The following HCFC2 variants were observed in gnomAD, a reference collection of about 807,000 sequenced individuals.
HCFC2 encodes the protein host cell factor C2, also known as host cell factor 2.
A neutral mutation model predicts 89.2 loss-of-function variants in HCFC2; 18 were observed. The ratio of observed to expected loss-of-function variants is 0.20; its 90% CI spans 0.14 to 0.30. HCFC2 has a LOEUF of 0.30. Ranked by LOEUF, HCFC2 falls within the 10% of genes least tolerant of loss-of-function variation. The pLI, the probability that HCFC2 is intolerant of heterozygous loss-of-function variation, is 1.00. For synonymous variants in HCFC2, 308 were observed against 335.7 expected, an observed-to-expected ratio of 0.92 and a Z score of 0.90; for missense variants, 578 against 956.1, an observed-to-expected ratio of 0.60 and a Z score of 5.21.
intron 5 of HCFC2, 24 bp downstream of exon 5, chr12:104,080,854 C>T: frequency 6.7e-7 from 1 of 1,498,022 alleles, no homozygotes. Flanking sequence ...TTGTATTTTG[C>T]TTCTGTTTTT....
intron 10 of HCFC2, among the ~76,000 whole-genome samples, chr12:104,094,039 C>A (rs2136624180): frequency 6.6e-6 from 1 of 152,232 alleles, no homozygotes; most frequent in South Asian, 2.1e-4. Flanking sequence ...TTGAATATGA[C>A]TCCCAGTTTT....
At chr12:104,072,637 C>A (rs1395316383) in intron 3 of HCFC2, among the ~76,000 whole-genome samples, 2 of 151,492 alleles carry the variant, frequency 1.3e-5, no homozygotes, top group Admixed American at 6.6e-5. Flanking sequence ...TATTATGAAT[C>A]CATTTGGTTT....
Position 104,101,993 on chromosome 12 carries a change from A to G in HCFC2, c.1904A>G (p.Tyr635Cys), listed in dbSNP as rs1283186479. The G allele has an allele frequency of 6.2e-7, 1 of 1,610,570 alleles. No homozygotes were observed. Among genetic ancestry groups the G allele is most frequent in the Non-Finnish European group, 8.5e-7 (1 of 1,177,954 alleles). ...SKVGNADVPD[Y>C]SLLKKQDLVP... ...GTAGGAAATGCAGATGTACCTGACT[A>G]CAGCTTGCTTAAGAAACAAGATCTT... The change falls in exon 14 of 15, where the codon TAC becomes TGC. Residue 635 changes from tyrosine (Y) to cysteine (C), a missense_variant. Physicochemically the swap from Tyr to Cys is radical, Grantham distance 194. Around this residue, in one of 4 missense-constraint regions of HCFC2, gnomAD observed 140 missense variants for 266.4 expected, o/e 0.53. Coordinates refer to ENST00000229330, the MANE Select transcript of HCFC2 (RefSeq NM_013320.3).
At chr12:104,080,595 G>T in intron 4 of HCFC2, 151 bp from the exon 5 acceptor site, 2 of 470,886 alleles carry the variant, frequency 4.2e-6, no homozygotes, top group Non-Finnish European at 7.4e-6. Flanking sequence ...GTTTATGTAA[G>T]CTGGAAATGT....
chr12:104,072,886 C>T (rs929134164), intron 3 of HCFC2, among the ~76,000 whole-genome samples: 44 of 152,030 alleles, frequency 2.9e-4, no homozygotes, highest in Admixed American at 3.9e-4. Context: ...CCTCGTGATC[C>T]GCCCACCTCA....
chr12:104,075,474 T>G (rs894576165), intron 3 of HCFC2, among the ~76,000 whole-genome samples: 1 of 151,054 alleles, frequency 6.6e-6, no homozygotes, highest in African/African-American at 2.4e-5. Context: ...TTTTTTTTTT[T>G]TAGAGGCAGA....
rs763716087 is a variant in HCFC2 at position 104,096,453 on chromosome 12, A to G, written c.1740+20A>G. 1.9e-6 allele frequency: 3 copies of G among 1,549,094 alleles called. No individual in the cohort carries two copies. The African/African-American group carries it at 4.1e-5, about 21-fold the overall frequency. On this transcript the variant is annotated intron_variant, in intron 12 of 14. Coordinates refer to ENST00000229330, the MANE Select transcript of HCFC2 (RefSeq NM_013320.3). ...TTTTCTGTAAGTACATGACCTGGTG[A>G]TGATGCATGTTTACACATGATTATG...
At chr12:104,102,840 C>T (rs2029989413) in intron 14 of HCFC2, 119 bp from the exon 15 acceptor site, 5 of 811,018 alleles carry the variant, frequency 6.2e-6, no homozygotes, top group Middle Eastern at 3.8e-4. Flanking sequence ...GATGTAACAT[C>T]TAATGCAATT....
Position 104,079,147 on chromosome 12 carries a change from A to G in HCFC2, c.474-298A>G, listed in dbSNP as rs367600799. ...GAAGATTGTCAGAGGATTTGTAGCTATGTTTTAACACCAACAGTTGGCAAG... is the reference window on the plus strand; with the variant it reads ...GAAGATTGTCAGAGGATTTGTAGCTGTGTTTTAACACCAACAGTTGGCAAG... On this transcript the variant is annotated intron_variant, in intron 3 of 14. Coordinates refer to ENST00000229330, the MANE Select transcript of HCFC2 (RefSeq NM_013320.3). Among the ~76,000 whole-genome samples the G allele has an allele frequency of 3.9e-4, 60 of 152,318 alleles. No homozygotes were observed. In the Middle Eastern group the frequency reaches 0.017, roughly 43 times the overall value.
Position 104,088,050 on chromosome 12 carries a change from AG to A in HCFC2, c.1284+13del, listed in dbSNP as rs1883919313. On this transcript the variant is annotated intron_variant, in intron 9 of 14. Coordinates refer to ENST00000229330, the MANE Select transcript of HCFC2 (RefSeq NM_013320.3). ...TCGTTCCTAACAGTGTAAGTAAAAA[AG>A]TGTATGAAGGTAATTGGATGTTTAT... 1 of 1,583,634 alleles carries A rather than the reference AG, an allele frequency of 6.3e-7. No individual in the cohort carries two copies. Among genetic ancestry groups the A allele is most frequent in the African/African-American group, 1.4e-5 (1 of 73,928 alleles).
rs745697102 is a variant in HCFC2, at chr12:104,068,123, C to T, written c.473+16C>T. On this transcript the variant is annotated intron_variant, in intron 3 of 14. Transcript: ENST00000229330. This position sits in a 1 kb window ranked among gnomAD's most constrained non-coding sequence, Gnocchi z 4.1. ...ATGTTCCCAGGTATGCTGACTCTTT[C>T]AGACCAAATGCTTATTTTATGATTT... 6.4e-7 allele frequency: 1 copy of T among 1,550,964 alleles called. No homozygotes were observed. The highest frequency in any genetic ancestry group is 1.7e-4 in the Middle Eastern group (1 of 5,828).
rs759341408 is a variant in HCFC2 at position 104,102,076 on chromosome 12, C to G, written c.1987C>G (p.Pro663Ala). The change falls in exon 14 of 15, where the codon CCT (proline) becomes GCT (alanine). Residue 663 changes from proline to alanine, a missense_variant. Transcript: ENST00000229330. ...TGCAATCAATGGTTGTGGGATAGGT[C>G]CTTTCAGCAAAATCAGTGAATTTAA... ...VAAINGCGIG[P>A]FSKISEFKTC... 1.2e-5 allele frequency: 19 copies of G among 1,613,882 alleles called. No homozygotes were observed. The South Asian group carries it at 2.1e-4, about 18-fold the overall frequency.
chr12:104,083,497 C>T lies in HCFC2; in HGVS notation c.1063+596C>T, dbSNP rs572708985. Among the ~76,000 whole-genome samples the T allele has an allele frequency of 3.3e-5, 5 of 152,188 alleles. No homozygotes were observed. The South Asian group carries it at 1.0e-3, about 32-fold the overall frequency. On this transcript the variant is annotated intron_variant, in intron 7 of 14. Transcript: ENST00000229330. ...TTACAACTGAATGTGATGTTGTGTT[C>T]CGGATTGGATCCTGGAACAAAAAAA...
At position 104,068,691 on chromosome 12, in the gene HCFC2, C is replaced by T. The variant is rs947025373; in HGVS notation, c.473+584C>T. Reference sequence around the variant, plus strand: ...GTTTGTATGTTGAGTTCCAATAAGCCTTTATGAAGCAGCTCATAGGCAGGT... The same window carrying T: ...GTTTGTATGTTGAGTTCCAATAAGCTTTTATGAAGCAGCTCATAGGCAGGT... On this transcript the variant is annotated intron_variant, in intron 3 of 14. Coordinates refer to ENST00000229330, the MANE Select transcript of HCFC2 (RefSeq NM_013320.3). This position sits in a 1 kb window ranked among gnomAD's most constrained non-coding sequence, Gnocchi z 4.1. Among the ~76,000 whole-genome samples, 2 of 152,058 alleles carry T rather than the reference C, an allele frequency of 1.3e-5. No homozygotes were observed. The highest frequency in any genetic ancestry group is 4.8e-5 in the African/African-American group (2 of 41,414).
chr12:104,079,224 T>G (rs1883605796), intron 3 of HCFC2, among the ~76,000 whole-genome samples: 1 of 152,180 alleles, frequency 6.6e-6, no homozygotes, highest in Non-Finnish European at 1.5e-5. Context: ...ATTTTTAATC[T>G]CTTCTGCTCA....
At chr12:104,092,737 G>A (rs542147786) in intron 9 of HCFC2, among the ~76,000 whole-genome samples, 2 of 152,248 alleles carry the variant, frequency 1.3e-5, no homozygotes, top group South Asian at 4.1e-4. Flanking sequence ...TCACACCATT[G>A]TACTCCAGCC....
At chr12:104,070,292 T>A (rs1404286099) in intron 3 of HCFC2, among the ~76,000 whole-genome samples, 7 of 152,234 alleles carry the variant, frequency 4.6e-5, no homozygotes, top group Non-Finnish European at 8.8e-5. Context: ...CCTCCCAAAG[T>A]GCTGGGATTA....
At chr12:104,099,398 G>A (rs1384199700) in intron 13 of HCFC2, among the ~76,000 whole-genome samples, 2 of 152,096 alleles carry the variant, frequency 1.3e-5, no homozygotes, top group African/African-American at 4.8e-5. Flanking sequence ...ATTGTATTCT[G>A]TGTTAAGGCC....
At chr12:104,077,023 T>C (rs1883514969) in intron 3 of HCFC2, among the ~76,000 whole-genome samples, 1 of 152,174 alleles carries the variant, frequency 6.6e-6, no homozygotes, top group Non-Finnish European at 1.5e-5. Flanking sequence ...TGTGTGTATA[T>C]ATATATGTTT....
Sources: gnomAD v4.1 joint callset for allele counts (sites outside exome capture counted in the v4.1 genomes callset) on GRCh38, gnomAD v4.1.1 for gene constraint, gnomAD v4.1.1 regional missense constraint, Gnocchi (gnomAD v3.1) non-coding constraint, MANE v1.5 for transcripts, NCBI Gene and HGNC (gene_info 2026-07-23, HGNC 2026-07-21) for gene names.